SSMEM1: variants seen among roughly 807,000 people sequenced by gnomAD.
The protein encoded by SSMEM1 is serine rich single-pass membrane protein 1.
SSMEM1 carries 12 observed loss-of-function variants against 9.9 expected under a neutral mutation model. That is an observed-to-expected ratio of 1.21 (90% CI 0.78 to 1.96). SSMEM1 has a LOEUF of 1.96. Among genes scored for constraint, SSMEM1 ranks in the 30% most tolerant of loss-of-function variants. The probability of loss-of-function intolerance (pLI) is 0.00; values close to 1 mark genes in which losing one functional copy is unlikely to be tolerated. For missense variants in SSMEM1, 259 were observed against 292.2 expected (o/e 0.89, Z 0.83); for synonymous variants, 96 against 98.9 (o/e 0.97, Z 0.17).
At chr7:130,205,720 CTGAT>C (rs1257508518), upstream of SSMEM1, among the ~76,000 whole-genome samples, 3 of 152,156 alleles carry the variant, frequency 2.0e-5, no homozygotes, top group South Asian at 2.1e-4. Context: ...CATGTGTAAA[CTGAT>C]TAAGTAGGGC....
chr7:130,213,710 A>AAAAAAAAAAG (rs1562906803), intron 2 of SSMEM1, among the ~76,000 whole-genome samples, 176 bp downstream of exon 2: 22 of 119,230 alleles, frequency 1.8e-4, no homozygotes, highest in East Asian at 5.7e-4. Flanking sequence ...AAAAAAAAAA[A>AAAAAAAAAAG]AAAAGAAAAG....
intron 2 of SSMEM1, 81 bp downstream of exon 2, chr7:130,213,615 C>T (rs1798639269): frequency 8.7e-7 from 1 of 1,151,934 alleles, no homozygotes; most frequent in Non-Finnish European, 1.2e-6. Flanking sequence ...CCCAGCTACT[C>T]AGAAGGCTGA....
intron 1 of SSMEM1, among the ~76,000 whole-genome samples, chr7:130,213,116 G>C (rs1184255502): frequency 1.3e-5 from 2 of 152,192 alleles, no homozygotes; most frequent in African/African-American, 4.8e-5. Context: ...CGGAGGCCAA[G>C]GTGGGCAGAT....
chr7:130,205,452 C>A, upstream of SSMEM1: 4 of 1,609,250 alleles, frequency 2.5e-6, no homozygotes, highest in Admixed American at 6.7e-5. Context: ...GGGAGGCCAC[C>A]GGCAAGCGGC....
chr7:130,215,999 G>A lies in SSMEM1; in HGVS notation c.264G>A (p.Arg88=). The change falls in exon 3 of 3, where the codon CGG becomes CGA. Residue 88 remains arginine (R), a synonymous_variant. Transcript: ENST00000297819. ...RKASKETSCK[R]QSKDSAWDPS... ...CAAGCAAAGAGACTTCCTGTAAGCGGCAAAGCAAAGACAGTGCCTGGGATC... is the reference window on the plus strand; with the variant it reads ...CAAGCAAAGAGACTTCCTGTAAGCGACAAAGCAAAGACAGTGCCTGGGATC... 1.9e-6 allele frequency: 3 copies of A among 1,614,048 alleles called. No individual in the cohort carries two copies. Among genetic ancestry groups the A allele is most frequent in the Non-Finnish European group, 2.5e-6 (3 of 1,179,962 alleles).
chr7:130,214,406 C>T (rs930198383), intron 2 of SSMEM1, among the ~76,000 whole-genome samples: 1 of 151,968 alleles, frequency 6.6e-6, no homozygotes, highest in African/African-American at 2.4e-5. Flanking sequence ...CAGTGAGTCC[C>T]TGACTCTAAA....
rs565694926 is a variant in SSMEM1 at position 130,213,437 on chromosome 7, A to C, written c.184-43A>C. On this transcript the variant is annotated intron_variant, in intron 1 of 2. Coordinates refer to ENST00000297819, the MANE Select transcript of SSMEM1 (RefSeq NM_145268.4). ...TTTATAACAAGTACATATTATCAAA[A>C]AACAACTGAGATCACTCTTACTAAC... is the stretch of plus-strand genomic sequence containing the variant. 4 of 1,573,312 alleles carry C rather than the reference A, an allele frequency of 2.5e-6. No homozygotes were observed. The East Asian group carries it at 9.1e-5, about 36-fold the overall frequency.
At chr7:130,205,497 T>A, upstream of SSMEM1, 1 of 1,521,214 alleles carries the variant, frequency 6.6e-7, no homozygotes. Flanking sequence ...TAGTCTCTTC[T>A]CGCGAGAAAG....
chr7:130,210,572 A>G (rs1039391313), intron 1 of SSMEM1, among the ~76,000 whole-genome samples: 9 of 152,214 alleles, frequency 5.9e-5, no homozygotes, highest in East Asian at 1.9e-4. Context: ...TTTCTGGACA[A>G]TGGTAATCCA....
intron 1 of SSMEM1, among the ~76,000 whole-genome samples, chr7:130,210,674 C>A (rs2633382): frequency 6.6e-6 from 1 of 151,894 alleles, no homozygotes; most frequent in Non-Finnish European, 1.5e-5. Context: ...AAGAGAGCCA[C>A]GGCCCACATT....
upstream of SSMEM1, chr7:130,205,515 T>G (rs1044394536): frequency 5.6e-5 from 78 of 1,388,672 alleles, no homozygotes; most frequent in Non-Finnish European, 7.9e-5. Flanking sequence ...AAGGGAGGGG[T>G]CGCAGGCCCA....
rs1241038234 is a variant in SSMEM1 at position 130,215,136 on chromosome 7, C to T, written c.239-838C>T. 2.0e-5 allele frequency among the ~76,000 whole-genome samples: 3 copies of T among 152,168 alleles called. No individual in the cohort carries two copies. The East Asian group carries it at 5.8e-4, about 29-fold the overall frequency. Reference sequence around the variant, plus strand: ...TGGCCAACATGGCAAAACCCTGTCTCTACTAAAAATACAAAAAAATTAGCT... The same window carrying T: ...TGGCCAACATGGCAAAACCCTGTCTTTACTAAAAATACAAAAAAATTAGCT... On this transcript the variant is annotated intron_variant, in intron 2 of 2. Transcript: ENST00000297819.
Position 130,216,123 on chromosome 7 carries a change from A to G in SSMEM1, c.388A>G (p.Arg130Gly). 2 of 1,614,192 alleles carry G rather than the reference A, an allele frequency of 1.2e-6. No individual in the cohort carries two copies. Among genetic ancestry groups the G allele is most frequent in the Non-Finnish European group, 1.7e-6 (2 of 1,180,016 alleles). The change falls in exon 3 of 3, where the codon AGG becomes GGG. Residue 130 changes from arginine to glycine, a missense_variant. Coordinates refer to ENST00000297819, the MANE Select transcript of SSMEM1 (RefSeq NM_145268.4). ...VNAYPEQRRA[R>G]RQSQFNEVNQ... ...TGCCTATCCTGAACAAAGACGAGCC[A>G]GGCGCCAGTCTCAGTTCAATGAGGT...
At chr7:130,206,983 TAAAAAA>T (rs530574772), upstream of SSMEM1, 2 of 109,438 alleles carry the variant, frequency 1.8e-5, no homozygotes, top group South Asian at 4.8e-4. Flanking sequence ...GAGACCCTGC[TAAAAAA>T]AAAAAAAAAA....
rs1798704470 is a variant in SSMEM1, at chr7:130,216,198, T to C, written c.463T>C (p.Ser155Pro). 1 of 1,613,448 alleles carries C rather than the reference T, an allele frequency of 6.2e-7. No homozygotes were observed. The highest frequency in any genetic ancestry group is 1.3e-5 in the African/African-American group (1 of 74,690). The part of the protein sequence containing the change: ...SDTTEYGSEE[S>P]NSEASSWKES... The stretch of plus-strand genomic sequence containing the variant: ...TACTACGGAGTATGGCAGTGAAGAG[T>C]CTAACTCAGAAGCCTCCTCGTGGAA... The change falls in exon 3 of 3, where the codon TCT becomes CCT. Residue 155 changes from serine (S) to proline (P), a missense_variant. Coordinates refer to ENST00000297819, the MANE Select transcript of SSMEM1 (RefSeq NM_145268.4).
chr7:130,209,285 A>C (rs1798547244), intron 1 of SSMEM1, among the ~76,000 whole-genome samples: 1 of 152,176 alleles, frequency 6.6e-6, no homozygotes, highest in South Asian at 2.1e-4. Flanking sequence ...CAGTGGTAAG[A>C]CTTAATGCTC....
chr7:130,210,097 A>G (rs1422321634), intron 1 of SSMEM1, among the ~76,000 whole-genome samples: 2 of 152,252 alleles, frequency 1.3e-5, no homozygotes, highest in African/African-American at 2.4e-5. Flanking sequence ...GAAGGGGAAT[A>G]TACCCAGATT....
intron 1 of SSMEM1, among the ~76,000 whole-genome samples, chr7:130,209,155 G>A (rs547016388): frequency 1.1e-4 from 16 of 152,172 alleles, no homozygotes; most frequent in East Asian, 7.7e-4. Context: ...GAGCCACCGC[G>A]CCCAGCCGTA....
At chr7:130,208,183 T>A in intron 1 of SSMEM1, 90 bp downstream of exon 1, 1 of 1,274,934 alleles carries the variant, frequency 7.8e-7, no homozygotes, top group Non-Finnish European at 1.1e-6. Context: ...TTGATGAAAC[T>A]ACTTTTAAAA....
Sources: allele counts gnomAD v4.1 joint callset (sites outside exome capture counted in the v4.1 genomes callset), GRCh38; gene constraint gnomAD v4.1.1; transcripts MANE v1.5; gene names NCBI Gene and HGNC (gene_info 2026-07-23, HGNC 2026-07-21).